Variants in TMEM160 observed in about 807,000 individuals in gnomAD.
TMEM160 encodes the protein transmembrane protein 160.
A neutral mutation model predicts 13.9 loss-of-function variants in TMEM160; 10 were observed. The ratio of observed to expected loss-of-function variants is 0.72; its 90% confidence interval spans 0.45 to 1.22. The LOEUF (loss-of-function observed/expected upper bound fraction) is 1.22, where lower values mean the gene tolerates loss of function less well. Among genes scored for constraint, TMEM160 ranks in the 50% most tolerant of loss-of-function variants. The pLI, the probability that TMEM160 is intolerant of heterozygous loss-of-function variation, is 0.00. For synonymous variants in TMEM160, 159 were observed against 134.8 expected (o/e 1.18, Z -1.25); for missense variants, 287 against 283.2 (o/e 1.01, Z -0.10).
chr19:47,048,492 G>A lies in TMEM160; in HGVS notation c.123C>T (p.His41=). ...GGARGSFAPG[H]GPRAGASPPP... is the part of the protein sequence containing the mutation. The stretch of plus-strand genomic sequence containing the variant: ...GCGGCGAAGCCCCGGCGCGGGGACC[G>A]TGGCCGGGGGCGAAGGACCCCCGGG... Residue 41 remains histidine (H), a synonymous_variant, in exon 1 of 3, where the codon CAC becomes CAT. Transcript: ENST00000253047. 2.1e-6 allele frequency: 3 copies of A among 1,423,278 alleles called. No individual in the cohort carries two copies. The highest frequency in any genetic ancestry group is 2.7e-6 in the Non-Finnish European group (3 of 1,100,034). 88.2% of individuals were successfully genotyped at this position (1,423,278 alleles called of 1,614,324 possible). A position where few individuals can be genotyped will look rare whatever the true frequency, so the allele number is the denominator to read the frequency against.
intron 1 of TMEM160, chr19:47,047,995 A>G (rs2057089910): frequency 4.4e-6 from 4 of 909,546 alleles, no homozygotes; most frequent in Non-Finnish European, 5.3e-6. Context: ...CCCCTTCTCC[A>G]ATCCTGAACT....
intron 1 of TMEM160, among the ~76,000 whole-genome samples, chr19:47,048,068 G>C (rs2057090406): frequency 6.6e-6 from 1 of 151,978 alleles, no homozygotes; most frequent in Non-Finnish European, 1.5e-5. Context: ...CTGCAATCGG[G>C]ATGGACCCAT....
Position 47,045,925 on chromosome 19 carries a change from A to C in TMEM160, c.*62T>G. 1 of 1,444,128 alleles carries C rather than the reference A, an allele frequency of 6.9e-7. No individual in the cohort carries two copies. Among genetic ancestry groups the C allele is most frequent in the Non-Finnish European group, 9.1e-7 (1 of 1,100,240 alleles). 89.5% of individuals were successfully genotyped at this position (1,444,128 alleles called of 1,614,324 possible). ...CTCTGCATCTGGAGGAGGGGAGGTC[A>C]GGTTTAATGTCCCAGTCCTCGGGCG... On this transcript the variant is annotated 3_prime_UTR_variant, in exon 3 of 3. Transcript: ENST00000253047.
Position 47,045,943 on chromosome 19 carries a change from C to T in TMEM160, c.*44G>A, listed in dbSNP as rs987744840. ...GGAGGTCAGGTTTAATGTCCCAGTC[C>T]TCGGGCGCTGTCCAGCGCCTGCCAG... On this transcript the variant is annotated 3_prime_UTR_variant, in exon 3 of 3. Transcript: ENST00000253047. The T allele has an allele frequency of 1.1e-5, 16 of 1,496,118 alleles. No individual in the cohort carries two copies. The highest frequency in any genetic ancestry group is 1.4e-5 in the Non-Finnish European group (16 of 1,131,124). 92.7% of individuals were successfully genotyped at this position (1,496,118 alleles called of 1,614,324 possible). A position where few individuals can be genotyped will look rare whatever the true frequency, so the allele number is the denominator to read the frequency against.
intron 1 of TMEM160, chr19:47,047,666 AAAGC>A: frequency 1.3e-6 from 1 of 789,528 alleles, no homozygotes; most frequent in Non-Finnish European, 1.5e-6. Context: ...CCTGGGCAAC[AAAGC>A]AAGACCCCGT....
rs1599931731 is a variant in TMEM160, at chr19:47,047,910, G to A, written c.208+497C>T. Reference sequence around the variant, plus strand: ...CCGCTCCATTCTGGACCTCGCCTCCGTCACAAGCCCCGCCCTCTGCAGCCT... The same window carrying A: ...CCGCTCCATTCTGGACCTCGCCTCCATCACAAGCCCCGCCCTCTGCAGCCT... On this transcript the variant is annotated intron_variant, in intron 1 of 2. Coordinates refer to ENST00000253047, the MANE Select transcript of TMEM160 (RefSeq NM_017854.2). 4.1e-6 allele frequency: 4 copies of A among 983,692 alleles called. No homozygotes were observed. The African/African-American group carries it at 5.3e-5, about 13-fold the overall frequency. The allele number at this position is 983,692 out of a possible 1,614,324, so 60.9% of individuals were successfully genotyped here.
chr19:47,048,495 G>A lies in TMEM160; in HGVS notation c.120C>T (p.Gly40=). The change falls in exon 1 of 3, where the codon GGC becomes GGT. Residue 40 remains glycine, a synonymous_variant. Coordinates refer to ENST00000253047, the MANE Select transcript of TMEM160 (RefSeq NM_017854.2). ...SGGARGSFAP[G]HGPRAGASPP... is the part of the protein sequence containing the mutation. ...GCGAAGCCCCGGCGCGGGGACCGTG[G>A]CCGGGGGCGAAGGACCCCCGGGCGC... is the stretch of plus-strand genomic sequence containing the variant. 2 of 1,429,194 alleles carry A rather than the reference G, an allele frequency of 1.4e-6. No individual in the cohort carries two copies. The highest frequency in any genetic ancestry group is 1.8e-6 in the Non-Finnish European group (2 of 1,102,500). The allele number at this position is 1,429,194 out of a possible 1,614,324, so 88.5% of individuals were successfully genotyped here.
In TMEM160 at chr19:47,048,564, G is replaced by T; in HGVS notation, c.51C>A (p.Arg17=). The part of the protein sequence containing the change: ...WARAARLARL[R]FRRSLLPPQR... ...GAGGCGGCAGTAGCGACCTCCGGAA[G>T]CGAAGACGGGCAAGGCGAGCGGCCC... is the stretch of plus-strand genomic sequence containing the variant. Residue 17 remains arginine, a synonymous_variant, in exon 1 of 3, where the codon CGC becomes CGA. Coordinates refer to ENST00000253047, the MANE Select transcript of TMEM160 (RefSeq NM_017854.2). 1 of 1,516,696 alleles carries T rather than the reference G, an allele frequency of 6.6e-7. No individual in the cohort carries two copies. Among genetic ancestry groups the T allele is most frequent in the Non-Finnish European group, 8.8e-7 (1 of 1,140,948 alleles). 94.0% of individuals were successfully genotyped at this position (1,516,696 alleles called of 1,614,324 possible).
chr19:47,047,866 A>T, intron 1 of TMEM160: 2 of 984,194 alleles, frequency 2.0e-6, no homozygotes, highest in Non-Finnish European at 2.4e-6. Flanking sequence ...AAATTAAAAA[A>T]AAAACAAACA....
In TMEM160 at chr19:47,048,509, A is replaced by G. The variant is rs936541190; in HGVS notation, c.106T>C (p.Ser36Pro). The change falls in exon 1 of 3, where the codon TCC becomes CCC. Residue 36 changes from serine (S) to proline (P), a missense_variant. Coordinates refer to ENST00000253047, the MANE Select transcript of TMEM160 (RefSeq NM_017854.2). ...CGGGGACCGTGGCCGGGGGCGAAGG[A>G]CCCCCGGGCGCCCCCGCTCCGGGGC... ...QRPRSGGARG[S>P]FAPGHGPRAG... 1.4e-5 allele frequency: 21 copies of G among 1,454,472 alleles called. No homozygotes were observed. The highest frequency in any genetic ancestry group is 1.7e-5 in the Non-Finnish European group (19 of 1,112,824). The allele number at this position is 1,454,472 out of a possible 1,614,324, so 90.1% of individuals were successfully genotyped here.
At chr19:47,046,766 G>A in intron 1 of TMEM160, 81 bp from the exon 2 acceptor site, 1 of 1,079,832 alleles carries the variant, frequency 9.3e-7, no homozygotes, top group Non-Finnish European at 1.4e-6. Flanking sequence ...CAAACTGAGG[G>A]GCCTCCCTTC....
At chr19:47,046,545 C>T (rs764456731) in intron 2 of TMEM160, 48 bp downstream of exon 2, 27 of 1,486,726 alleles carry the variant, frequency 1.8e-5, no homozygotes, top group East Asian at 6.8e-5. Flanking sequence ...GTGATAGGGG[C>T]TCTGCATTCC....
intron 2 of TMEM160, 141 bp downstream of exon 2, chr19:47,046,452 T>C: frequency 1.1e-6 from 1 of 934,438 alleles, no homozygotes. Flanking sequence ...GGGAGGGGTG[T>C]CTTCTGGTGG....
At chr19:47,048,035 C>T (rs1435622527) in intron 1 of TMEM160, among the ~76,000 whole-genome samples, 5 of 151,084 alleles carry the variant, frequency 3.3e-5, no homozygotes, top group Non-Finnish European at 5.9e-5. Context: ...TCCACACTCC[C>T]GCTCTCTGCA....
intron 1 of TMEM160, chr19:47,047,621 C>T (rs2057087894): frequency 5.1e-6 from 5 of 974,420 alleles, no homozygotes; most frequent in Non-Finnish European, 6.1e-6. Context: ...GAAGCCAAGG[C>T]AGGAGGATTC....
At chr19:47,047,821 C>G (rs1350486614) in intron 1 of TMEM160, 2 of 891,788 alleles carry the variant, frequency 2.2e-6, no homozygotes, top group African/African-American at 3.6e-5. Context: ...GGTCCAGCCT[C>G]GGTGACAGAG....
intron 1 of TMEM160, 97 bp downstream of exon 1, chr19:47,048,310 G>T: frequency 1.8e-6 from 2 of 1,119,506 alleles, no homozygotes; most frequent in Non-Finnish European, 2.4e-6. Context: ...AGCCGAGCCC[G>T]GGCCCCGTTT....
Position 47,048,622 on chromosome 19 carries a change from A to G in TMEM160, c.-8T>C, listed in dbSNP as rs780162867. ...CCACCAGCCGCCTCCCATGATTCGCACTACGGCCGCCGCGCGCCGTACCGC... is the reference window on the plus strand; with the variant it reads ...CCACCAGCCGCCTCCCATGATTCGCGCTACGGCCGCCGCGCGCCGTACCGC... On this transcript the variant is annotated 5_prime_UTR_variant, in exon 1 of 3. Coordinates refer to ENST00000253047, the MANE Select transcript of TMEM160 (RefSeq NM_017854.2). 1.3e-6 allele frequency: 2 copies of G among 1,531,502 alleles called. No homozygotes were observed. Among genetic ancestry groups the G allele is most frequent in the Non-Finnish European group, 1.7e-6 (2 of 1,148,580 alleles). 94.9% of individuals were successfully genotyped at this position (1,531,502 alleles called of 1,614,324 possible).
chr19:47,047,928 T>C, intron 1 of TMEM160: 2 of 984,956 alleles, frequency 2.0e-6, no homozygotes, highest in Non-Finnish European at 2.4e-6. Context: ...CCCCGCCCTC[T>C]GCAGCCTAGA....
Sources: allele counts gnomAD v4.1 joint callset (sites outside exome capture counted in the v4.1 genomes callset), GRCh38; gene constraint gnomAD v4.1.1; transcripts MANE v1.5; gene names NCBI Gene and HGNC (gene_info 2026-07-23, HGNC 2026-07-21).